PPP4R1: variants seen among roughly 807,000 people sequenced by gnomAD.
PPP4R1 encodes serine/threonine-protein phosphatase 4 regulatory subunit 1.
PPP4R1 carries 42 observed loss-of-function variants against 111.2 expected under a neutral mutation model. That is an observed-to-expected ratio of 0.38 (90% confidence interval 0.29 to 0.49). The LOEUF (loss-of-function observed/expected upper bound fraction) is 0.49, where lower values mean the gene tolerates loss of function less well. Ranked by LOEUF, PPP4R1 falls within the 20% of genes least tolerant of loss-of-function variation. The pLI, the probability that PPP4R1 is intolerant of heterozygous loss-of-function variation, is 0.97. For synonymous variants in PPP4R1, 409 were observed against 405.5 expected (o/e 1.01, Z -0.10); for missense variants, 1,012 against 1,161.6 (o/e 0.87, Z 1.87).
At chr18:9,575,438 C>T (rs1329846877) in intron 10 of PPP4R1, among the ~76,000 whole-genome samples, 1 of 152,166 alleles carries the variant, frequency 6.6e-6, no homozygotes, top group Non-Finnish European at 1.5e-5. Flanking sequence ...GTTTGTCAAA[C>T]TATGCAAAAG....
chr18:9,556,661 A>AG (rs1287039949), intron 15 of PPP4R1, among the ~76,000 whole-genome samples: 1 of 152,222 alleles, frequency 6.6e-6, no homozygotes, highest in African/African-American at 2.4e-5. Flanking sequence ...CCTCTATCAA[A>AG]GTAGTGAGGG....
At chr18:9,557,048 G>C in intron 15 of PPP4R1, 173 bp downstream of exon 15, 1 of 544,932 alleles carries the variant, frequency 1.8e-6, no homozygotes, top group Non-Finnish European at 3.1e-6. Context: ...TTTTAAAAGT[G>C]AGAGTATAAT....
chr18:9,605,206 G>A (rs917262149), intron 2 of PPP4R1, among the ~76,000 whole-genome samples: 2 of 152,074 alleles, frequency 1.3e-5, no homozygotes, highest in Admixed American at 1.3e-4. Flanking sequence ...ACCACAGAAT[G>A]AGTTACCTTA....
In PPP4R1 at chr18:9,611,639, T is replaced by A. The variant is rs568157675; in HGVS notation, c.52+2587A>T. On this transcript the variant is annotated intron_variant, in intron 2 of 19. Transcript: ENST00000400556. ...ACTCTAACAAAGCCTTCAACCAAATTATGAATATGCAAATAACTATTGTGC... is the reference window on the plus strand; with the variant it reads ...ACTCTAACAAAGCCTTCAACCAAATAATGAATATGCAAATAACTATTGTGC... Among the ~76,000 whole-genome samples the A allele has an allele frequency of 2.6e-5, 4 of 152,340 alleles. No individual in the cohort carries two copies. The East Asian group carries it at 7.7e-4, about 29-fold the overall frequency.
In PPP4R1 at chr18:9,614,089, C is replaced by T. The variant is rs2067638766; in HGVS notation, c.52+137G>A. On this transcript the variant is annotated intron_variant, in intron 2 of 19. Transcript: ENST00000400556. This position sits in a 1 kb window ranked among gnomAD's most constrained non-coding sequence, Gnocchi z 4.1. The stretch of plus-strand genomic sequence containing the variant: ...GACGCGAGATTTTCCCCCCCGATCG[C>T]CACCCCAGCCCGCCTGGGGCCGCCC... 11 of 715,894 alleles carry T rather than the reference C, an allele frequency of 1.5e-5. No individual in the cohort carries two copies. The highest frequency in any genetic ancestry group is 9.6e-5 in the African/African-American group (5 of 52,124). The allele number at this position is 715,894 out of a possible 1,614,324, so 44.3% of individuals were successfully genotyped here.
At position 9,549,191 on chromosome 18, in the gene PPP4R1, A is replaced by G; in HGVS notation, c.2689+6T>C. ...ACACGCTTCTTCTAGTGGAGTCACT[A>G]CCTACCTTTTTCTAGTAGAGTTTGT... On this transcript the variant is annotated splice_donor_region_variant and intron_variant, in intron 19 of 19. Transcript: ENST00000400556. The G allele has an allele frequency of 6.2e-7, 1 of 1,611,748 alleles. No homozygotes were observed. The highest frequency in any genetic ancestry group is 8.5e-7 in the Non-Finnish European group (1 of 1,177,918).
At chr18:9,602,286 C>A (rs1405079170) in intron 2 of PPP4R1, among the ~76,000 whole-genome samples, 1 of 146,600 alleles carries the variant, frequency 6.8e-6, no homozygotes, top group Non-Finnish European at 1.5e-5. Flanking sequence ...AATCCCAACA[C>A]TTTGGGAGGC....
In PPP4R1 at chr18:9,614,173, T is replaced by G; in HGVS notation, c.52+53A>C. 7.8e-7 allele frequency: 1 copy of G among 1,277,812 alleles called. No individual in the cohort carries two copies. Among genetic ancestry groups the G allele is most frequent in the Non-Finnish European group, 1.0e-6 (1 of 998,010 alleles). 79.2% of individuals were successfully genotyped at this position (1,277,812 alleles called of 1,614,324 possible). ...GCCCAGGCCTCGCCGCCGCCCGCCC[T>G]CCCCGGCCGCTCCCCGCGGACTGCC... On this transcript the variant is annotated intron_variant, in intron 2 of 19. Coordinates refer to ENST00000400556, the MANE Select transcript of PPP4R1 (RefSeq NM_001042388.3). The surrounding 1 kb of genome is among the most constrained non-coding windows in gnomAD (Gnocchi z 4.1).
At chr18:9,549,726 T>C (rs2066458304) in intron 18 of PPP4R1, 1 of 490,898 alleles carries the variant, frequency 2.0e-6, no homozygotes, top group Non-Finnish European at 3.7e-6. Context: ...TGCATGTATG[T>C]GCACTGTGAA....
intron 2 of PPP4R1, among the ~76,000 whole-genome samples, chr18:9,602,467 A>T (rs1181370719): frequency 6.8e-6 from 1 of 147,686 alleles, no homozygotes; most frequent in East Asian, 2.0e-4. Context: ...AATGGCATGA[A>T]CCCGGGAGGC....
At chr18:9,613,015 G>A (rs538338856) in intron 2 of PPP4R1, among the ~76,000 whole-genome samples, 3 of 152,184 alleles carry the variant, frequency 2.0e-5, no homozygotes, top group Non-Finnish European at 2.9e-5. Flanking sequence ...AACCACATTA[G>A]ACAATGCTAA....
chr18:9,563,741 T>G (rs1598903424), intron 11 of PPP4R1, 191 bp from the exon 12 acceptor site: 1 of 469,926 alleles, frequency 2.1e-6, no homozygotes, highest in African/African-American at 2.0e-5. Context: ...AAAACTAATA[T>G]GCTTTCATGA....
At chr18:9,605,566 CAAAAAAAAAAAAAAAA>C (rs34208690) in intron 2 of PPP4R1, among the ~76,000 whole-genome samples, 1 of 67,640 alleles carries the variant, frequency 1.5e-5, no homozygotes, top group Non-Finnish European at 2.8e-5. Context: ...GCAGTCCTGT[CAAAAAAAAAAAAAAAA>C]AAAAAAAAAA....
intron 2 of PPP4R1, among the ~76,000 whole-genome samples, chr18:9,611,974 T>C (rs1007160019): frequency 6.6e-6 from 1 of 151,912 alleles, no homozygotes; most frequent in Non-Finnish European, 1.5e-5. Flanking sequence ...TCGCGCCATT[T>C]TGCACTCCAG....
Position 9,584,483 on chromosome 18 carries a change from ACT to A in PPP4R1, c.759+30_759+31del, listed in dbSNP as rs2067082663. ...CTTTATGTACTACTTTGTAACACACACTGTTTACTCCTTTATATCTGCAATAC... is the reference window on the plus strand; with the variant it reads ...CTTTATGTACTACTTTGTAACACACAGTTTACTCCTTTATATCTGCAATAC... On this transcript the variant is annotated intron_variant, in intron 8 of 19. Transcript: ENST00000400556. The A allele has an allele frequency of 8.9e-6, 14 of 1,574,134 alleles. No individual in the cohort carries two copies. In the Middle Eastern group the frequency reaches 6.8e-4, roughly 76 times the overall value.
intron 15 of PPP4R1, among the ~76,000 whole-genome samples, chr18:9,555,991 A>AC (rs1389565188): frequency 1.2e-4 from 9 of 72,642 alleles, no homozygotes; most frequent in African/African-American, 4.2e-4. Flanking sequence ...CAAACAAACA[A>AC]ACAAACAAAA....
At chr18:9,584,939 CATT>C (rs1459491135) in intron 6 of PPP4R1, 111 bp from the exon 7 acceptor site, 2 of 830,196 alleles carry the variant, frequency 2.4e-6, no homozygotes, top group Non-Finnish European at 1.9e-6. Context: ...GATATGGCAT[CATT>C]ATACTATATA....
At chr18:9,594,450 C>T (rs2067260344) in intron 3 of PPP4R1, among the ~76,000 whole-genome samples, 1 of 152,050 alleles carries the variant, frequency 6.6e-6, no homozygotes, top group African/African-American at 2.4e-5. Flanking sequence ...AGTTGTCCTT[C>T]AATTATCACA....
Position 9,561,243 on chromosome 18 carries a change from T to C in PPP4R1, c.1842+737A>G, listed in dbSNP as rs1201764468. ...CTAATAATAATAATAATAATAATAA[T>C]AATAATAATAATAATAATAAAGTCA... is the stretch of plus-strand genomic sequence containing the variant. On this transcript the variant is annotated intron_variant, in intron 13 of 19. Transcript: ENST00000400556. Among the ~76,000 whole-genome samples, 5 of 148,504 alleles carry C rather than the reference T, an allele frequency of 3.4e-5. No individual in the cohort carries two copies. In the East Asian group the frequency reaches 9.8e-4, roughly 29 times the overall value.
Sources: gnomAD v4.1 joint callset for allele counts (sites outside exome capture counted in the v4.1 genomes callset) on GRCh38, gnomAD v4.1.1 for gene constraint, Gnocchi (gnomAD v3.1) non-coding constraint, MANE v1.5 for transcripts, NCBI Gene and HGNC (gene_info 2026-07-23, HGNC 2026-07-21) for gene names.